Variants in LRRC69 observed in about 807,000 individuals in gnomAD.
The protein encoded by LRRC69 is leucine rich repeat containing 69, also known as leucine-rich repeat-containing protein 69.
LRRC69 carries 42 observed loss-of-function variants against 37.8 expected under a neutral mutation model. The observed-to-expected ratio is 1.11, with a 90% confidence interval of 0.87 to 1.44. LRRC69 has a LOEUF of 1.44. LRRC69 is among the 40% of genes most tolerant of loss of function. The pLI is 0.00. For synonymous variants in LRRC69, 141 were observed against 143.1 expected, an observed-to-expected ratio of 0.99 and a Z score of 0.11; for missense variants, 357 against 401.9, an observed-to-expected ratio of 0.89 and a Z score of 0.96.
At chr8:91,194,762 C>G (rs558498010) in intron 6 of LRRC69, among the ~76,000 whole-genome samples, 1 of 151,422 alleles carries the variant, frequency 6.6e-6, no homozygotes, top group Non-Finnish European at 1.5e-5. Flanking sequence ...TGCTAGTGGT[C>G]TATCTATTTT....
chr8:91,192,231 T>A (rs907785137), intron 6 of LRRC69, among the ~76,000 whole-genome samples: 68 of 152,240 alleles, frequency 4.5e-4, no homozygotes, highest in East Asian at 9.7e-4. Flanking sequence ...ACATTTTCTT[T>A]ATCCAGTCTA....
intron 1 of LRRC69, among the ~76,000 whole-genome samples, chr8:91,121,776 A>AATAAATGAATG (rs1813626330): frequency 6.6e-6 from 1 of 152,138 alleles, no homozygotes; most frequent in African/African-American, 2.4e-5. Context: ...TTTTTTAATG[A>AATAAATGAATG]GTGAATAAAT....
intron 5 of LRRC69, among the ~76,000 whole-genome samples, chr8:91,180,663 G>T (rs561395564): frequency 1.3e-5 from 2 of 152,266 alleles, no homozygotes; most frequent in South Asian, 4.1e-4. Flanking sequence ...TTCTTTTTGA[G>T]CTCTGTAGGC....
chr8:91,111,721 G>T (rs927612600), intron 1 of LRRC69, among the ~76,000 whole-genome samples: 2 of 151,736 alleles, frequency 1.3e-5, no homozygotes, highest in African/African-American at 2.4e-5. Flanking sequence ...ACACACTGGG[G>T]CCTATCAGAG....
intron 5 of LRRC69, among the ~76,000 whole-genome samples, chr8:91,145,309 A>G (rs1245105542): frequency 6.6e-6 from 1 of 151,938 alleles, no homozygotes; most frequent in African/African-American, 2.4e-5. Flanking sequence ...TCCACAATAT[A>G]GTGATTTCCT....
At chr8:91,132,744 G>T (rs1813828704) in intron 3 of LRRC69, among the ~76,000 whole-genome samples, 1 of 151,912 alleles carries the variant, frequency 6.6e-6, no homozygotes, top group Admixed American at 6.6e-5. Context: ...GCTTATGCCT[G>T]TTCCTGTATT....
chr8:91,112,641 G>A (rs1481380884), intron 1 of LRRC69, among the ~76,000 whole-genome samples: 3 of 151,946 alleles, frequency 2.0e-5, no homozygotes, highest in Non-Finnish European at 1.5e-5. Flanking sequence ...TCATCAGTGG[G>A]GAAAAGCTGC....
At chr8:91,212,379 G>A (rs1809945572) in intron 7 of LRRC69, among the ~76,000 whole-genome samples, 1 of 152,044 alleles carries the variant, frequency 6.6e-6, no homozygotes, top group South Asian at 2.1e-4. Context: ...AGTTTAGGGA[G>A]GGAATGGTTT....
chr8:91,148,409 A>G (rs1266613110), intron 5 of LRRC69, among the ~76,000 whole-genome samples: 1 of 151,820 alleles, frequency 6.6e-6, no homozygotes, highest in Non-Finnish European at 1.5e-5. Flanking sequence ...AAAGGACATG[A>G]ACTCATCATT....
chr8:91,121,053 A>G (rs559680348), intron 1 of LRRC69, among the ~76,000 whole-genome samples: 2 of 152,096 alleles, frequency 1.3e-5, no homozygotes, highest in Admixed American at 6.6e-5. Flanking sequence ...TTCCAAAGTT[A>G]GGTGCTACTC....
chr8:91,109,380 A>G (rs1238288483), intron 1 of LRRC69, among the ~76,000 whole-genome samples: 1 of 152,054 alleles, frequency 6.6e-6, no homozygotes, highest in African/African-American at 2.4e-5. Context: ...TTAGCTCCTA[A>G]AGTTGCCATC....
chr8:91,133,343 AGAAG>A, intron 4 of LRRC69, 38 bp downstream of exon 4: 1 of 1,415,372 alleles, frequency 7.1e-7, no homozygotes, highest in Non-Finnish European at 9.3e-7. Context: ...TTGCTGTTGG[AGAAG>A]AACTCAACAT....
chr8:91,160,231 G>T (rs1008349941), intron 5 of LRRC69, among the ~76,000 whole-genome samples: 2 of 149,456 alleles, frequency 1.3e-5, no homozygotes, highest in Non-Finnish European at 3.0e-5. Flanking sequence ...GGTTGATTTT[G>T]TATCCTGCAA....
intron 6 of LRRC69, among the ~76,000 whole-genome samples, chr8:91,191,776 T>C (rs1015834275): frequency 5.3e-5 from 8 of 152,098 alleles, no homozygotes; most frequent in South Asian, 4.2e-4. Context: ...TCTGTGAGGG[T>C]GGTGAATGAG....
intron 6 of LRRC69, 77 bp from the exon 7 acceptor site, chr8:91,200,536 T>C: frequency 1.1e-6 from 1 of 922,094 alleles, no homozygotes; most frequent in Non-Finnish European, 1.5e-6. Flanking sequence ...ACACTTTATC[T>C]AATGAAATGG....
intron 3 of LRRC69, among the ~76,000 whole-genome samples, chr8:91,130,136 T>G (rs1379386924): frequency 6.6e-6 from 1 of 152,068 alleles, no homozygotes; most frequent in African/African-American, 2.4e-5. Flanking sequence ...CTTTACAAAT[T>G]AGTTTTACCA....
chr8:91,174,198 G>A (rs1414198111), intron 5 of LRRC69, among the ~76,000 whole-genome samples: 1 of 151,962 alleles, frequency 6.6e-6, no homozygotes. Flanking sequence ...TGGAAGAAAT[G>A]AATTAAATCC....
At chr8:91,110,114 C>A (rs1014839315) in intron 1 of LRRC69, among the ~76,000 whole-genome samples, 3 of 151,926 alleles carry the variant, frequency 2.0e-5, no homozygotes, top group African/African-American at 7.2e-5. Flanking sequence ...GTTTACAGAA[C>A]CTGACATGTA....
At chr8:91,143,093 A>T (rs1455183162) in intron 5 of LRRC69, among the ~76,000 whole-genome samples, 1 of 152,088 alleles carries the variant, frequency 6.6e-6, no homozygotes, top group Non-Finnish European at 1.5e-5. Context: ...CTGTGGATGT[A>T]CTCGGTGCAT....
Sources: gnomAD v4.1 joint callset for allele counts (sites outside exome capture counted in the v4.1 genomes callset) on GRCh38, gnomAD v4.1.1 for gene constraint, MANE v1.5 for transcripts, NCBI Gene and HGNC (gene_info 2026-07-23, HGNC 2026-07-21) for gene names.